Variants in METAP1 observed in about 807,000 individuals in gnomAD.
METAP1 encodes methionine aminopeptidase 1.
A neutral mutation model predicts 53.8 loss-of-function variants in METAP1; 28 were observed. The ratio of observed to expected loss-of-function variants is 0.52; its 90% CI spans 0.39 to 0.71. The LOEUF is 0.71. Ranked by LOEUF, METAP1 falls within the 30% of genes least tolerant of loss-of-function variation. METAP1 has a pLI of 0.00. For missense variants in METAP1, 389 were observed against 479.8 expected (o/e 0.81, Z 1.77); for synonymous variants, 181 against 165.7 (o/e 1.09, Z -0.71).
intron 4 of METAP1, among the ~76,000 whole-genome samples, chr4:99,036,862 G>C (rs1725458322): frequency 6.6e-6 from 1 of 151,948 alleles, no homozygotes; most frequent in African/African-American, 2.4e-5. Flanking sequence ...GTCTAAAATA[G>C]GTGGATCAAA....
chr4:99,012,947 G>A (rs1368470533), intron 1 of METAP1, among the ~76,000 whole-genome samples: 3 of 152,114 alleles, frequency 2.0e-5, no homozygotes, highest in Admixed American at 6.5e-5. Flanking sequence ...GTTGAAAGAG[G>A]CAACTTATTA....
intron 1 of METAP1, among the ~76,000 whole-genome samples, chr4:99,024,620 A>G (rs1333277810): frequency 6.6e-6 from 1 of 152,160 alleles, no homozygotes; most frequent in Non-Finnish European, 1.5e-5. Flanking sequence ...TCTGCAAAAT[A>G]TTTCAAGCAC....
intron 8 of METAP1, among the ~76,000 whole-genome samples, chr4:99,046,601 T>C (rs1726254974): frequency 6.6e-6 from 1 of 152,186 alleles, no homozygotes; most frequent in South Asian, 2.1e-4. Flanking sequence ...ACAGAGTTCT[T>C]AGACAAACAT....
intron 1 of METAP1, among the ~76,000 whole-genome samples, chr4:99,006,239 C>G (rs898664195): frequency 1.3e-5 from 2 of 151,988 alleles, no homozygotes; most frequent in African/African-American, 4.8e-5. Flanking sequence ...ACAAGAAGTA[C>G]TGGAAAAAAG....
intron 7 of METAP1, 101 bp from the exon 8 acceptor site, chr4:99,045,078 T>C: frequency 8.3e-7 from 1 of 1,208,560 alleles, no homozygotes; most frequent in Non-Finnish European, 1.2e-6. Flanking sequence ...ATGCAGAAGT[T>C]GTCTTTTTCA....
chr4:99,019,028 C>G (rs950995726), intron 1 of METAP1, among the ~76,000 whole-genome samples: 4 of 152,162 alleles, frequency 2.6e-5, no homozygotes, highest in Admixed American at 2.6e-4. Context: ...CAGTCCAAGA[C>G]CTAACTTTAG....
chr4:99,043,512 G>GT, intron 7 of METAP1, 125 bp downstream of exon 7: 1 of 965,896 alleles, frequency 1.0e-6, no homozygotes, highest in South Asian at 1.5e-5. Context: ...TTAAAATTCA[G>GT]TATCACTAAC....
At chr4:99,029,650 A>G (rs891468876) in intron 2 of METAP1, among the ~76,000 whole-genome samples, 3 of 152,128 alleles carry the variant, frequency 2.0e-5, no homozygotes, top group Non-Finnish European at 4.4e-5. Flanking sequence ...GGGAAATAAC[A>G]TGGTTATTTA....
chr4:99,058,498 T>G (rs1313088357), intron 10 of METAP1, among the ~76,000 whole-genome samples: 1 of 152,142 alleles, frequency 6.6e-6, no homozygotes, highest in Non-Finnish European at 1.5e-5. Flanking sequence ...GTAGCAGTGA[T>G]AGGAGACTGG....
intron 4 of METAP1, chr4:99,036,111 C>G (rs1311852890): frequency 6.5e-6 from 1 of 154,188 alleles, no homozygotes. Context: ...AATCTCTGAC[C>G]TTAAGGCCTG....
intron 6 of METAP1, among the ~76,000 whole-genome samples, chr4:99,041,898 A>T (rs1214474979): frequency 6.7e-6 from 1 of 150,094 alleles, no homozygotes; most frequent in Non-Finnish European, 1.5e-5. Flanking sequence ...TCAGAATCTT[A>T]TTAATCCTGA....
chr4:99,038,342 A>G (rs564285024), intron 4 of METAP1, among the ~76,000 whole-genome samples: 1 of 152,126 alleles, frequency 6.6e-6, no homozygotes, highest in African/African-American at 2.4e-5. Flanking sequence ...GATAGTGGGC[A>G]TTCTGTAATG....
At chr4:99,047,867 A>T (rs1045123168) in intron 8 of METAP1, among the ~76,000 whole-genome samples, 6 of 152,166 alleles carry the variant, frequency 3.9e-5, no homozygotes, top group Admixed American at 2.0e-4. Context: ...CAGAGCAGAA[A>T]GTGTATATAG....
Position 99,031,622 on chromosome 4 carries a change from A to C in METAP1, c.167-2608A>C, listed in dbSNP as rs531639727. On this transcript the variant is annotated intron_variant, in intron 2 of 10. Coordinates refer to ENST00000296411, the MANE Select transcript of METAP1 (RefSeq NM_015143.3). ...CATAGGTTTGTGTGAGGATTAAATA[A>C]AGAAATCCATGAGAAGTGCTTAGCA... 13 of 1,257,112 alleles carry C rather than the reference A, an allele frequency of 1.0e-5. No individual in the cohort carries two copies. In the African/African-American group the frequency reaches 1.8e-4, roughly 18 times the overall value. 77.9% of individuals were successfully genotyped at this position (1,257,112 alleles called of 1,614,324 possible). A position where few individuals can be genotyped will look rare whatever the true frequency, so the allele number is the denominator to read the frequency against.
At chr4:99,027,247 T>C (rs1724624542) in intron 1 of METAP1, among the ~76,000 whole-genome samples, 1 of 152,198 alleles carries the variant, frequency 6.6e-6, no homozygotes, top group Non-Finnish European at 1.5e-5. Context: ...AATTTATTAG[T>C]GTGCATGGGG....
chr4:99,006,843 T>C (rs1723200708), intron 1 of METAP1, among the ~76,000 whole-genome samples: 1 of 152,224 alleles, frequency 6.6e-6, no homozygotes, highest in African/African-American at 2.4e-5. Flanking sequence ...AGTTGTCTTG[T>C]AGAATGTTAC....
At chr4:99,046,167 A>G (rs1361972323) in intron 8 of METAP1, among the ~76,000 whole-genome samples, 1 of 152,124 alleles carries the variant, frequency 6.6e-6, no homozygotes, top group Non-Finnish European at 1.5e-5. Context: ...TAATCCCAGC[A>G]CCTTGGGAGG....
chr4:99,010,868 A>G (rs1455099836), intron 1 of METAP1, among the ~76,000 whole-genome samples: 1 of 152,124 alleles, frequency 6.6e-6, no homozygotes, highest in East Asian at 1.9e-4. Context: ...GCATTATACA[A>G]GTCTTTTAAC....
intron 1 of METAP1, among the ~76,000 whole-genome samples, chr4:99,015,416 G>T (rs1035170082): frequency 6.6e-6 from 1 of 152,170 alleles, no homozygotes; most frequent in African/African-American, 2.4e-5. Flanking sequence ...GCCCAATACC[G>T]TAGAGATGGC....
Sources: allele counts gnomAD v4.1 joint callset (sites outside exome capture counted in the v4.1 genomes callset), GRCh38; gene constraint gnomAD v4.1.1; transcripts MANE v1.5; gene names NCBI Gene and HGNC (gene_info 2026-07-23, HGNC 2026-07-21).